Variants in CADM2 observed in about 807,000 individuals in gnomAD.
CADM2 encodes cell adhesion molecule 2, also known as immunoglobulin superfamily member 4D.
CADM2 carries 12 observed loss-of-function variants against 49.8 expected under a neutral mutation model. That is an observed-to-expected ratio of 0.24 (90% confidence interval 0.15 to 0.39). The LOEUF (loss-of-function observed/expected upper bound fraction) is 0.39. Ranked by LOEUF, CADM2 falls within the 10% of genes least tolerant of loss-of-function variation. The pLI, the probability that CADM2 is intolerant of heterozygous loss-of-function variation, is 1.00. For synonymous variants in CADM2, 214 were observed against 175.4 expected (o/e 1.22, Z -1.74); for missense variants, 378 against 492.3 (o/e 0.77, Z 2.20).
Position 85,141,259 on chromosome 3 carries a change from T to A in CADM2, c.61+181591T>A, listed in dbSNP as rs113475985. On this transcript the variant is annotated intron_variant, in intron 1 of 9. Coordinates refer to ENST00000383699, the MANE Select transcript of CADM2 (RefSeq NM_001167675.2). The stretch of plus-strand genomic sequence containing the variant: ...GTTGTACCAGTGACTGCCTGAATAA[T>A]CTTGGGCAAATTACTTAAACTGTTT... Among the ~76,000 whole-genome samples, 1,048 of 152,312 alleles carry A rather than the reference T, an allele frequency of 6.9e-3. 10 individuals carry two copies. Among genetic ancestry groups the A allele is most frequent in the African/African-American group, 0.023 (959 of 41,566 alleles).
intron 1 of CADM2, among the ~76,000 whole-genome samples, chr3:85,318,239 T>TG (rs1165988301): frequency 2.0e-5 from 3 of 147,824 alleles, no homozygotes; most frequent in Non-Finnish European, 3.0e-5. Context: ...AAAAAATAAA[T>TG]GGGGGGTTGA....
Position 85,359,653 on chromosome 3 carries a change from TATATATA to T in CADM2, c.62-366868_62-366862del, listed in dbSNP as rs1559799086. Among the ~76,000 whole-genome samples the T allele has an allele frequency of 2.1e-4, 4 of 18,738 alleles. 1 individual carries two copies. The highest frequency in any genetic ancestry group is 1.4e-3 in the Admixed American group (2 of 1,424). The allele number at this position is 18,738 out of a possible 152,430, so 12.3% of individuals were successfully genotyped here. The stretch of plus-strand genomic sequence containing the variant: ...CAATGTCAGCATATATATATATATA[TATATATA>T]TATATATTTTTTTTTTTGGTGGAGG... On this transcript the variant is annotated intron_variant, in intron 1 of 9. Transcript: ENST00000383699.
chr3:85,581,396 T>A (rs539858940), intron 1 of CADM2, among the ~76,000 whole-genome samples: 1 of 148,014 alleles, frequency 6.8e-6, no homozygotes. Context: ...ACGTAAGAAT[T>A]AGAAAAAATT....
At chr3:85,703,061 T>G (rs756731709) in intron 1 of CADM2, among the ~76,000 whole-genome samples, 51 of 152,272 alleles carry the variant, frequency 3.3e-4, no homozygotes, top group Non-Finnish European at 2.8e-4. Context: ...CATATATTAA[T>G]ACACATACAC....
intron 1 of CADM2, among the ~76,000 whole-genome samples, chr3:85,128,567 G>A (rs2039114320): frequency 6.6e-6 from 1 of 152,124 alleles, no homozygotes; most frequent in South Asian, 2.1e-4. Flanking sequence ...TCTTAGAAGG[G>A]TCTGAAAGCC....
intron 2 of CADM2, among the ~76,000 whole-genome samples, chr3:85,727,471 T>C (rs112882720): frequency 1.1e-4 from 16 of 152,174 alleles, no homozygotes; most frequent in Non-Finnish European, 2.1e-4. Flanking sequence ...ACCTTTCTTA[T>C]AGCTCACCTA....
intron 3 of CADM2, among the ~76,000 whole-genome samples, chr3:85,879,130 G>T (rs143853783): frequency 2.6e-5 from 4 of 151,400 alleles, no homozygotes; most frequent in African/African-American, 9.7e-5. Flanking sequence ...TTTGAAAAGG[G>T]GTTGATATAG....
rs772804303 is a variant in CADM2, at chr3:85,205,057, AC to A, written c.61+245391del. 4.7e-5 allele frequency among the ~76,000 whole-genome samples: 7 copies of A among 148,436 alleles called. No individual in the cohort carries two copies. The South Asian group carries it at 1.1e-3, about 23-fold the overall frequency. ...TTTTGAGATAGGATCTTACTCTGTC[AC>A]CTAGGCTGGAGTGCAGTAGTGTAAT... On this transcript the variant is annotated intron_variant, in intron 1 of 9. Transcript: ENST00000383699.
intron 8 of CADM2, among the ~76,000 whole-genome samples, chr3:86,032,619 C>G (rs1272857767): frequency 6.6e-6 from 1 of 151,780 alleles, no homozygotes; most frequent in Non-Finnish European, 1.5e-5. Flanking sequence ...TGTAACCATA[C>G]TTAATGCAGG....
At chr3:85,889,323 G>A (rs1239804146) in intron 5 of CADM2, among the ~76,000 whole-genome samples, 1 of 152,098 alleles carries the variant, frequency 6.6e-6, no homozygotes, top group African/African-American at 2.4e-5. Flanking sequence ...ATAGAACAGT[G>A]GTTCTGAAGC....
intron 1 of CADM2, among the ~76,000 whole-genome samples, chr3:85,322,342 T>G (rs1339989358): frequency 1.3e-5 from 2 of 152,218 alleles, no homozygotes; most frequent in African/African-American, 4.8e-5. Flanking sequence ...CATGTCTTTG[T>G]CTTCCCATGC....
At chr3:85,293,995 A>C (rs2043879096) in intron 1 of CADM2, among the ~76,000 whole-genome samples, 1 of 152,040 alleles carries the variant, frequency 6.6e-6, no homozygotes, top group South Asian at 2.1e-4. Context: ...GAGGAAGTCA[A>C]ATTGTCCCTG....
chr3:85,467,561 A>C (rs938016708), intron 1 of CADM2, among the ~76,000 whole-genome samples: 1 of 152,152 alleles, frequency 6.6e-6, no homozygotes, highest in Non-Finnish European at 1.5e-5. Flanking sequence ...AGACGTCATG[A>C]AAGTCAAGCA....
chr3:85,818,401 G>A (rs1312832792), intron 3 of CADM2, among the ~76,000 whole-genome samples: 3 of 152,108 alleles, frequency 2.0e-5, no homozygotes, highest in Non-Finnish European at 4.4e-5. Flanking sequence ...AGTGAGAGGG[G>A]GAAGCCAGCG....
intron 1 of CADM2, among the ~76,000 whole-genome samples, chr3:85,170,331 TC>T (rs2040588644): frequency 6.7e-6 from 1 of 149,558 alleles, no homozygotes. Flanking sequence ...ATTGGTCACA[TC>T]TTTTTCTAAC....
At position 85,060,278 on chromosome 3, in the gene CADM2, C is replaced by G. The variant is rs892901773; in HGVS notation, c.61+100610C>G. ...CCTAAGTGGGATTACAGGCGCCCAC[C>G]ACCACGCCTGGCTAATTTTTTGTAT... On this transcript the variant is annotated intron_variant, in intron 1 of 9. Coordinates refer to ENST00000383699, the MANE Select transcript of CADM2 (RefSeq NM_001167675.2). 3.3e-5 allele frequency among the ~76,000 whole-genome samples: 5 copies of G among 152,096 alleles called. No individual in the cohort carries two copies. The South Asian group carries it at 8.3e-4, about 25-fold the overall frequency.
At chr3:85,367,086 C>G (rs1307861165) in intron 1 of CADM2, among the ~76,000 whole-genome samples, 1 of 151,634 alleles carries the variant, frequency 6.6e-6, no homozygotes, top group Non-Finnish European at 1.5e-5. Flanking sequence ...ATTGATGTGT[C>G]CAATTAATTA....
intron 1 of CADM2, among the ~76,000 whole-genome samples, chr3:85,362,975 C>A (rs912560132): frequency 5.9e-5 from 9 of 152,134 alleles, no homozygotes; most frequent in Non-Finnish European, 5.9e-5. Flanking sequence ...ATACTTTCTG[C>A]AAATCACTTG....
chr3:85,043,991 CT>C (rs1288486996), intron 1 of CADM2, among the ~76,000 whole-genome samples: 2 of 152,130 alleles, frequency 1.3e-5, no homozygotes, highest in Non-Finnish European at 2.9e-5. Context: ...TCTAAATCTC[CT>C]TGTGTTCACT....
Sources: gnomAD v4.1 joint callset for allele counts (sites outside exome capture counted in the v4.1 genomes callset) on GRCh38, gnomAD v4.1.1 for gene constraint, MANE v1.5 for transcripts, NCBI Gene and HGNC (gene_info 2026-07-23, HGNC 2026-07-21) for gene names.